Variants in HDGFL2 observed in about 807,000 individuals in gnomAD.
HDGFL2 encodes hepatoma-derived growth factor-related protein 2.
Under a neutral mutation model 77.1 loss-of-function variants are expected in HDGFL2, and 36 were observed. The observed-to-expected ratio is 0.47, with a 90% CI of 0.36 to 0.62. HDGFL2 has a LOEUF of 0.62. HDGFL2 is among the 20% of genes least tolerant of loss of function. HDGFL2 has a pLI of 0.00. For synonymous variants in HDGFL2, 463 were observed against 413.1 expected (o/e 1.12, Z -1.46); for missense variants, 976 against 973.4 (o/e 1.00, Z -0.04).
chr19:4,490,275 C>T (rs777782786), intron 4 of HDGFL2, among the ~76,000 whole-genome samples: 5 of 152,120 alleles, frequency 3.3e-5, no homozygotes, highest in Admixed American at 6.6e-5. Context: ...TTGGTAGAGA[C>T]GGGGTTTCTC....
chr19:4,499,563 G>A lies in HDGFL2; in HGVS notation c.1648G>A (p.Val550Ile), dbSNP rs1204172313. ...AGTCTATACCCGGCTCAAGTCGCGG[G>A]TCCTCGGCCCAAAGATCGAGGCGGT... ...AEVYTRLKSR[V>I]LGPKIEAVQK... The change falls in exon 14 of 16, where the codon GTC (valine) becomes ATC (isoleucine). Residue 550 changes from valine (V) to isoleucine (I), a missense_variant. Val to Ile is a conservative substitution (Grantham distance 29). Around this residue, in one of 5 missense-constraint regions of HDGFL2, gnomAD observed 229 missense variants for 187.3 expected, o/e 1.22. Transcript: ENST00000616600. 1.2e-6 allele frequency: 2 copies of A among 1,613,590 alleles called. No homozygotes were observed. Among genetic ancestry groups the A allele is most frequent in the Non-Finnish European group, 1.7e-6 (2 of 1,179,926 alleles).
chr19:4,472,585 C>T (rs901300618), intron 1 of HDGFL2, among the ~76,000 whole-genome samples, 163 bp downstream of exon 1: 68 of 146,724 alleles, frequency 4.6e-4, no homozygotes, highest in African/African-American at 1.7e-3. Flanking sequence ...AGACCCGCAG[C>T]GGCCCCGCCC....
rs902727808 is a variant in HDGFL2 at position 4,488,658 on chromosome 19, C to G, written c.289-18C>G. The G allele has an allele frequency of 6.5e-7, 1 of 1,536,512 alleles. No homozygotes were observed. The highest frequency in any genetic ancestry group is 1.4e-5 in the African/African-American group (1 of 72,978). On this transcript the variant is annotated intron_variant, in intron 3 of 15. Coordinates refer to ENST00000616600, the MANE Select transcript of HDGFL2 (RefSeq NM_001001520.3). Reference sequence around the variant, plus strand: ...CACGACTGGTGGTGACGCGCGTTCTCTGCCCCGACTCCCACAGCCAGTGAG... The same window carrying G: ...CACGACTGGTGGTGACGCGCGTTCTGTGCCCCGACTCCCACAGCCAGTGAG...
At position 4,478,036 on chromosome 19, in the gene HDGFL2, T is replaced by C. The variant is rs536502229; in HGVS notation, c.288+2453T>C. Among the ~76,000 whole-genome samples the C allele has an allele frequency of 9.0e-4, 129 of 143,060 alleles. 1 individual carries two copies. The highest frequency in any genetic ancestry group is 3.3e-3 in the African/African-American group (126 of 38,472). 93.9% of individuals were successfully genotyped at this position (143,060 alleles called of 152,430 possible). ...GAGAAGTTGCAGTGAGCCAGGATTGTGCCACTGTACTCCAGCCTGGGCAAC... is the reference window on the plus strand; with the variant it reads ...GAGAAGTTGCAGTGAGCCAGGATTGCGCCACTGTACTCCAGCCTGGGCAAC... On this transcript the variant is annotated intron_variant, in intron 3 of 15. Transcript: ENST00000616600.
In HDGFL2 at chr19:4,499,536, G is replaced by A; in HGVS notation, c.1621G>A (p.Glu541Lys). Residue 541 changes from glutamate (E) to lysine (K), a missense_variant, in exon 14 of 16, where the codon GAA becomes AAA. Glu to Lys is a moderately conservative substitution (Grantham distance 56). Around this residue, in one of 5 missense-constraint regions of HDGFL2, gnomAD observed 229 missense variants for 187.3 expected, o/e 1.22. Coordinates refer to ENST00000616600, the MANE Select transcript of HDGFL2 (RefSeq NM_001001520.3). Reference sequence around the variant, plus strand: ...CAAGGACGTAATGGAGAAGGCAGCAGAAGTCTATACCCGGCTCAAGTCGCG... The same window carrying A: ...CAAGGACGTAATGGAGAAGGCAGCAAAAGTCTATACCCGGCTCAAGTCGCG... ...ANKDVMEKAA[E>K]VYTRLKSRVL... The A allele has an allele frequency of 6.2e-7, 1 of 1,613,928 alleles. No homozygotes were observed. The highest frequency in any genetic ancestry group is 8.5e-7 in the Non-Finnish European group (1 of 1,179,978).
chr19:4,483,837 T>C (rs1265271470), intron 3 of HDGFL2, among the ~76,000 whole-genome samples: 1 of 146,980 alleles, frequency 6.8e-6, no homozygotes, highest in Non-Finnish European at 1.5e-5. Context: ...TCTCCTAAGC[T>C]GGAGTGCAGT....
At chr19:4,483,533 A>G (rs1725291836) in intron 3 of HDGFL2, among the ~76,000 whole-genome samples, 1 of 152,122 alleles carries the variant, frequency 6.6e-6, no homozygotes, top group Non-Finnish European at 1.5e-5. Context: ...CGCCTGCAGC[A>G]TCCGCCCAGC....
intron 9 of HDGFL2, 73 bp downstream of exon 9, chr19:4,494,548 A>G (rs1975651162): frequency 8.8e-7 from 1 of 1,141,102 alleles, no homozygotes; most frequent in African/African-American, 1.6e-5. Context: ...GGTAGGAGGC[A>G]GTATCCCAGG....
chr19:4,476,933 A>T (rs1792514572), intron 3 of HDGFL2, among the ~76,000 whole-genome samples: 1 of 151,538 alleles, frequency 6.6e-6, no homozygotes, highest in African/African-American at 2.4e-5. Flanking sequence ...CTGGGGGGGC[A>T]TGAATTTGGC....
At position 4,494,033 on chromosome 19, in the gene HDGFL2, C is replaced by T. The variant is rs974051714; in HGVS notation, c.890C>T (p.Pro297Leu). The change falls in exon 8 of 16, where the codon CCT becomes CTT. Residue 297 changes from proline to leucine, a missense_variant. Around this residue, in one of 5 missense-constraint regions of HDGFL2, gnomAD observed 567 missense variants for 534.7 expected, o/e 1.06. Coordinates refer to ENST00000616600, the MANE Select transcript of HDGFL2 (RefSeq NM_001001520.3). ...GGGCGGAAACCGAAGCCTGAACGGC[C>T]TCCGTCCAGCTCCAGCAGTGACAGG... ...PRGRKPKPER[P>L]PSSSSSDSDS... 1 of 1,610,050 alleles carries T rather than the reference C, an allele frequency of 6.2e-7. No homozygotes were observed. The highest frequency in any genetic ancestry group is 1.3e-5 in the African/African-American group (1 of 74,882).
intron 1 of HDGFL2, among the ~76,000 whole-genome samples, chr19:4,474,699 C>G (rs144842752): frequency 1.9e-3 from 289 of 152,258 alleles, no homozygotes; most frequent in Middle Eastern, 0.014. Flanking sequence ...CCCGTCCCCC[C>G]TTCTCCAGCC....
At chr19:4,479,698 A>T (rs1478992850) in intron 3 of HDGFL2, among the ~76,000 whole-genome samples, 1 of 152,060 alleles carries the variant, frequency 6.6e-6, no homozygotes, top group East Asian at 1.9e-4. Flanking sequence ...ACCTGAGGTC[A>T]GGAGGTCAGA....
chr19:4,483,167 CACAG>C (rs1170145862), intron 3 of HDGFL2, among the ~76,000 whole-genome samples: 1 of 152,242 alleles, frequency 6.6e-6, no homozygotes, highest in Non-Finnish European at 1.5e-5. Context: ...TCAAAAATTA[CACAG>C]ACAGGGCCCT....
chr19:4,502,133 GT>G lies in HDGFL2; in HGVS notation c.*132del, dbSNP rs150552037. 3,078 of 753,246 alleles carry G rather than the reference GT, an allele frequency of 4.1e-3. 17 individuals are homozygous for G. Among genetic ancestry groups the G allele is most frequent in the Non-Finnish European group, 4.4e-3 (1,940 of 439,712 alleles). 46.7% of individuals were successfully genotyped at this position (753,246 alleles called of 1,614,324 possible). A position where few individuals can be genotyped will look rare whatever the true frequency, so the allele number is the denominator to read the frequency against. ...GTGCTGTTTGTATTTGTTCCCTTGG[GT>G]TTTTTTTTCCTGCCTAATTTCTGTG... On this transcript the variant is annotated 3_prime_UTR_variant, in exon 16 of 16. Transcript: ENST00000616600.
chr19:4,496,573 C>T (rs986322532), intron 10 of HDGFL2, among the ~76,000 whole-genome samples, 168 bp downstream of exon 10: 17 of 152,274 alleles, frequency 1.1e-4, no homozygotes, highest in South Asian at 4.1e-4. Flanking sequence ...ATCGCTGCTG[C>T]GGGAGTGGGA....
rs555628774 is a variant in HDGFL2, at chr19:4,494,013, G to A, written c.870G>A (p.Arg290=). 1 of 1,611,906 alleles carries A rather than the reference G, an allele frequency of 6.2e-7. No homozygotes were observed. Among genetic ancestry groups the A allele is most frequent in the East Asian group, 2.2e-5 (1 of 44,806 alleles). ...AGCCTCTCCCGAAGCCGCGAGGGCG[G>A]AAACCGAAGCCTGAACGGCCTCCGT... ...AEKPLPKPRG[R]KPKPERPPSS... Residue 290 remains arginine (R), a synonymous_variant, in exon 8 of 16, where the codon CGG becomes CGA. Transcript: ENST00000616600.
intron 3 of HDGFL2, among the ~76,000 whole-genome samples, chr19:4,477,776 C>T (rs1449945469): frequency 3.3e-5 from 5 of 152,188 alleles, no homozygotes; most frequent in African/African-American, 9.6e-5. Context: ...CTAGATGGAA[C>T]GTGTGTTTAA....
rs1975522848 is a variant in HDGFL2, at chr19:4,491,817, G to A, written c.660G>A (p.Leu220=). 1.2e-6 allele frequency: 2 copies of A among 1,613,820 alleles called. No homozygotes were observed. The highest frequency in any genetic ancestry group is 4.5e-5 in the East Asian group (2 of 44,866). Residue 220 remains leucine, a synonymous_variant, in exon 6 of 16, where the codon CTG becomes CTA. Coordinates refer to ENST00000616600, the MANE Select transcript of HDGFL2 (RefSeq NM_001001520.3). ...TCCGGGCGCCACGGAGGGGCCCTCT[G>A]GGGGGACGGAAAAAAAAGGTAGCGT... ...AAVRAPRRGP[L]GGRKKKKAPS...
chr19:4,489,850 C>T (rs1975461713), intron 4 of HDGFL2, among the ~76,000 whole-genome samples: 1 of 152,144 alleles, frequency 6.6e-6, no homozygotes, highest in Non-Finnish European at 1.5e-5. Flanking sequence ...TACCATTATT[C>T]CAGGAGATTT....
Sources: allele counts gnomAD v4.1 joint callset (sites outside exome capture counted in the v4.1 genomes callset), GRCh38; gene constraint gnomAD v4.1.1; regional missense constraint gnomAD v4.1.1; transcripts MANE v1.5; gene names NCBI Gene and HGNC (gene_info 2026-07-23, HGNC 2026-07-21).